The following SLC9B1 variants were observed in gnomAD, a reference collection of about 807,000 sequenced individuals.
The protein encoded by SLC9B1 is solute carrier family 9 member B1.
SLC9B1 carries 32 observed loss-of-function variants against 51.7 expected under a neutral mutation model. The observed-to-expected ratio is 0.62, with a 90% confidence interval of 0.47 to 0.83. SLC9B1 has a LOEUF of 0.83. Among genes scored for constraint, SLC9B1 ranks in the 40% least tolerant of loss-of-function variants. SLC9B1 has a pLI of 0.00. For missense variants in SLC9B1, 406 were observed against 613.2 expected (o/e 0.66, Z 3.57); for synonymous variants, 145 against 212.7 (o/e 0.68, Z 2.77).
At chr4:102,962,155 C>G (rs1263707818) in intron 3 of SLC9B1, 1 of 473,230 alleles carries the variant, frequency 2.1e-6, no homozygotes, top group Non-Finnish European at 4.2e-6. Context: ...ATGCAGGCAA[C>G]ACTGAGCCAT....
chr4:102,928,670 A>G (rs1266181011), intron 7 of SLC9B1, among the ~76,000 whole-genome samples: 1 of 152,114 alleles, frequency 6.6e-6, no homozygotes, highest in African/African-American at 2.4e-5. Flanking sequence ...GTATGTATGA[A>G]AGGGAGTTTA....
chr4:103,013,424 C>A (rs535116164), intron 1 of SLC9B1, among the ~76,000 whole-genome samples: 1 of 152,112 alleles, frequency 6.6e-6, no homozygotes, highest in African/African-American at 2.4e-5. Context: ...TTAGTGGTTT[C>A]TTTCCCCTAT....
intron 7 of SLC9B1, among the ~76,000 whole-genome samples, chr4:102,922,302 G>A (rs1386172220): frequency 6.6e-6 from 1 of 152,172 alleles, no homozygotes; most frequent in African/African-American, 2.4e-5. Flanking sequence ...ATTTGCTCCT[G>A]AATGACTACT....
chr4:102,925,787 CA>C (rs1736135485), intron 7 of SLC9B1, among the ~76,000 whole-genome samples: 1 of 151,636 alleles, frequency 6.6e-6, no homozygotes, highest in African/African-American at 2.4e-5. Context: ...GGCAGAGACA[CA>C]ACAAAAAAAG....
intron 6 of SLC9B1, among the ~76,000 whole-genome samples, chr4:102,939,024 A>G (rs926408183): frequency 2.0e-5 from 3 of 152,064 alleles, no homozygotes; most frequent in Non-Finnish European, 2.9e-5. Context: ...AATAACCAAA[A>G]TCAGAGCAGA....
chr4:102,906,418 A>C (rs1175818791), intron 10 of SLC9B1, 118 bp downstream of exon 10: 1 of 551,892 alleles, frequency 1.8e-6, no homozygotes, highest in Non-Finnish European at 3.1e-6. Flanking sequence ...CTGTATCAAC[A>C]TGTGTTTCTG....
chr4:102,932,759 G>T (rs1474348879), intron 6 of SLC9B1, among the ~76,000 whole-genome samples: 2 of 152,190 alleles, frequency 1.3e-5, no homozygotes, highest in South Asian at 2.1e-4. Context: ...GCCCTGAAAT[G>T]GCAGATGCTG....
At chr4:102,885,924 AT>A (rs1186780672) in intron 11 of SLC9B1, among the ~76,000 whole-genome samples, 2 of 152,212 alleles carry the variant, frequency 1.3e-5, no homozygotes, top group Non-Finnish European at 2.9e-5. Context: ...GATAGCCTCA[AT>A]TATAGATGAT....
chr4:102,911,788 C>CAA (rs1365225254), intron 7 of SLC9B1, among the ~76,000 whole-genome samples: 1 of 151,858 alleles, frequency 6.6e-6, no homozygotes, highest in Non-Finnish European at 1.5e-5. Context: ...GGCCAGAAAA[C>CAA]AAAGACTTAA....
At chr4:102,974,054 G>A (rs192987120) in intron 3 of SLC9B1, among the ~76,000 whole-genome samples, 120 of 151,834 alleles carry the variant, frequency 7.9e-4, no homozygotes, top group African/African-American at 2.9e-3. Flanking sequence ...TGGCCAACAT[G>A]GTGAAACCCC....
intron 11 of SLC9B1, among the ~76,000 whole-genome samples, chr4:102,893,296 A>C (rs927270309): frequency 6.7e-6 from 1 of 149,364 alleles, no homozygotes; most frequent in African/African-American, 2.5e-5. Context: ...AAAAAAAAAA[A>C]AAAAAAAAAG....
intron 7 of SLC9B1, among the ~76,000 whole-genome samples, chr4:102,926,147 A>G (rs2110451284): frequency 6.6e-6 from 1 of 152,426 alleles, no homozygotes; most frequent in African/African-American, 2.4e-5. Context: ...ATCATACTGA[A>G]TGGGCAAAAA....
intron 6 of SLC9B1, among the ~76,000 whole-genome samples, chr4:102,935,936 C>G (rs1736700770): frequency 6.6e-6 from 1 of 152,172 alleles, no homozygotes; most frequent in African/African-American, 2.4e-5. Flanking sequence ...ACAGGCATAC[C>G]TGCTGTGTGC....
intron 7 of SLC9B1, among the ~76,000 whole-genome samples, chr4:102,920,425 A>C (rs1437418844): frequency 6.6e-6 from 1 of 152,230 alleles, no homozygotes; most frequent in Non-Finnish European, 1.5e-5. Context: ...CAAAGAACAA[A>C]GGTAGATAAA....
intron 3 of SLC9B1, among the ~76,000 whole-genome samples, chr4:102,988,768 A>G (rs1270015282): frequency 6.6e-6 from 1 of 152,154 alleles, no homozygotes; most frequent in African/African-American, 2.4e-5. Flanking sequence ...TCAAAAATGA[A>G]AGAAAACAAA....
At chr4:102,913,796 T>TAAAAAAAAAAAAAAAAAAAAGAAAC (rs1735456552) in intron 7 of SLC9B1, among the ~76,000 whole-genome samples, 2 of 71,448 alleles carry the variant, frequency 2.8e-5, no homozygotes, top group East Asian at 4.4e-4. Context: ...AGATAGAAAC[T>TAAAAAAAAAAAAAAAAAAAAGAAAC]AAAAAAAAAA....
intron 2 of SLC9B1, among the ~76,000 whole-genome samples, chr4:102,991,157 C>G (rs1402512559): frequency 6.6e-6 from 1 of 151,914 alleles, no homozygotes; most frequent in Non-Finnish European, 1.5e-5. Flanking sequence ...CCCTTAAGAA[C>G]TGTAGAAATC....
intron 3 of SLC9B1, among the ~76,000 whole-genome samples, chr4:102,963,626 T>C (rs192828780): frequency 6.6e-6 from 1 of 152,342 alleles, no homozygotes; most frequent in East Asian, 1.9e-4. Flanking sequence ...TGAAGGAATT[T>C]AAATGTGACT....
At chr4:102,929,055 C>T (rs1266717903) in intron 7 of SLC9B1, among the ~76,000 whole-genome samples, 10 of 152,158 alleles carry the variant, frequency 6.6e-5, no homozygotes, top group Admixed American at 2.0e-4. Context: ...ATCTGCCTCT[C>T]CCAGTCCACT....
Sources: gnomAD v4.1 joint callset for allele counts (sites outside exome capture counted in the v4.1 genomes callset) on GRCh38, gnomAD v4.1.1 for gene constraint, MANE v1.5 for transcripts, NCBI Gene and HGNC (gene_info 2026-07-23, HGNC 2026-07-21) for gene names.